Variants in ADAMTS8 observed in about 807,000 individuals in gnomAD.
ADAMTS8 encodes the protein ADAM metallopeptidase with thrombospondin type 1 motif 8.
Under a neutral mutation model 64.4 loss-of-function variants are expected in ADAMTS8, and 50 were observed. That is an observed-to-expected ratio of 0.78 (90% confidence interval 0.62 to 0.98). The LOEUF is 0.98. ADAMTS8 is among the 50% of genes least tolerant of loss of function. The pLI, the probability that ADAMTS8 is intolerant of heterozygous loss-of-function variation, is 0.00. For synonymous variants in ADAMTS8, 556 were observed against 533.6 expected, an observed-to-expected ratio of 1.04 and a Z score of -0.58; for missense variants, 1,192 against 1,208.2, an observed-to-expected ratio of 0.99 and a Z score of 0.20.
chr11:130,405,402 A>G lies in ADAMTS8; in HGVS notation c.*156T>C. The G allele has an allele frequency of 2.1e-6, 3 of 1,442,408 alleles. No individual in the cohort carries two copies. Among genetic ancestry groups the G allele is most frequent in the Non-Finnish European group, 2.7e-6 (3 of 1,104,440 alleles). The allele number at this position is 1,442,408 out of a possible 1,614,324, so 89.4% of individuals were successfully genotyped here. A position where few individuals can be genotyped will look rare whatever the true frequency, so the allele number is the denominator to read the frequency against. On this transcript the variant is annotated 3_prime_UTR_variant, in exon 9 of 9. Transcript: ENST00000257359. ...TACCCTCTCCTCTTCCCCCTTAGGA[A>G]TTTGTGCAGTACTGGAGGGGTTGCG...
rs1351432904 is a variant in ADAMTS8, at chr11:130,427,930, G to A, written c.357C>T (p.Cys119=). The change falls in exon 1 of 9, where the codon TGC becomes TGT. Residue 119 remains cysteine (C), a synonymous_variant. Coordinates refer to ENST00000257359, the MANE Select transcript of ADAMTS8 (RefSeq NM_007037.6). ...EPESLAAVSL[C]RGLSGSFLLD... ...GCAGGAAGGAGCCGCTCAGCCCGCG[G>A]CACAGGCTGACCGCCGCCAGCGACT... 3.9e-6 allele frequency: 6 copies of A among 1,532,684 alleles called. No homozygotes were observed. The highest frequency in any genetic ancestry group is 2.5e-5 in the East Asian group (1 of 40,578). 94.9% of individuals were successfully genotyped at this position (1,532,684 alleles called of 1,614,324 possible). A position where few individuals can be genotyped will look rare whatever the true frequency, so the allele number is the denominator to read the frequency against.
chr11:130,409,605 C>T, intron 6 of ADAMTS8, among the ~76,000 whole-genome samples: 1 of 152,152 alleles, frequency 6.6e-6, no homozygotes, highest in East Asian at 1.9e-4. Flanking sequence ...TCACAAAGAC[C>T]CACACTATAT....
At position 130,407,484 on chromosome 11, in the gene ADAMTS8, G is replaced by GAC. The variant is rs200542106; in HGVS notation, c.2099+978_2099+979dup. Reference sequence around the variant, plus strand: ...GTAGAGACAGACAGACAGACAGACAGACACACACACACACACAGAATGGGG... The same window carrying GAC: ...GTAGAGACAGACAGACAGACAGACAGACACACACACACACACACAGAATGGGG... On this transcript the variant is annotated intron_variant, in intron 8 of 8. Coordinates refer to ENST00000257359, the MANE Select transcript of ADAMTS8 (RefSeq NM_007037.6). 3.7e-3 allele frequency among the ~76,000 whole-genome samples: 552 copies of GAC among 151,130 alleles called. 3 individuals are homozygous for GAC. Among genetic ancestry groups the GAC allele is most frequent in the African/African-American group, 0.012 (510 of 41,228 alleles).
Position 130,427,927 on chromosome 11 carries a change from G to A in ADAMTS8, c.360C>T (p.Arg120=). ...PESLAAVSLC[R]GLSGSFLLDG... is the part of the protein sequence containing the mutation. ...CCAGCAGGAAGGAGCCGCTCAGCCC[G>A]CGGCACAGGCTGACCGCCGCCAGCG... Residue 120 remains arginine, a synonymous_variant, in exon 1 of 9, where the codon CGC becomes CGT. Transcript: ENST00000257359. 6.5e-7 allele frequency: 1 copy of A among 1,532,904 alleles called. No individual in the cohort carries two copies. Among genetic ancestry groups the A allele is most frequent in the East Asian group, 2.5e-5 (1 of 40,578 alleles). 95.0% of individuals were successfully genotyped at this position (1,532,904 alleles called of 1,614,324 possible). A position where few individuals can be genotyped will look rare whatever the true frequency, so the allele number is the denominator to read the frequency against.
At chr11:130,418,007 C>CAAAAAAAAAA (rs5795694) in intron 2 of ADAMTS8, among the ~76,000 whole-genome samples, 18 of 93,898 alleles carry the variant, frequency 1.9e-4, no homozygotes, top group African/African-American at 4.7e-4. Flanking sequence ...CTACAAAAAG[C>CAAAAAAAAAA]AAAAAAAAAA....
chr11:130,422,322 C>T (rs2134689760), intron 1 of ADAMTS8, among the ~76,000 whole-genome samples: 1 of 152,194 alleles, frequency 6.6e-6, no homozygotes, highest in East Asian at 1.9e-4. Flanking sequence ...GGGCCAGAGC[C>T]CCTTTTGGTT....
chr11:130,414,421 G>A (rs920682283), intron 5 of ADAMTS8, 110 bp downstream of exon 5: 11 of 1,337,372 alleles, frequency 8.2e-6, no homozygotes, highest in East Asian at 5.0e-5. Context: ...GCTGTCTCTC[G>A]GTTCATGACT....
rs748267870 is a variant in ADAMTS8 at position 130,408,941 on chromosome 11, C to T, written c.1751-1G>A. The T allele has an allele frequency of 6.6e-7, 1 of 1,526,182 alleles. No individual in the cohort carries two copies. The highest frequency in any genetic ancestry group is 1.3e-5 in the South Asian group (1 of 77,266). The allele number at this position is 1,526,182 out of a possible 1,614,324, so 94.5% of individuals were successfully genotyped here. A position where few individuals can be genotyped will look rare whatever the true frequency, so the allele number is the denominator to read the frequency against. On this transcript the variant is annotated splice_acceptor_variant, in intron 6 of 8. Transcript: ENST00000257359. LOFTEE classifies it high-confidence loss of function. ...CACTGCTGCTCCCTGAAGCTTTTCC[C>T]TAGAAAGAGGAAGAAACGGCATGGA...
intron 6 of ADAMTS8, among the ~76,000 whole-genome samples, chr11:130,410,506 A>G (rs1187686072): frequency 4.6e-5 from 7 of 152,188 alleles, no homozygotes; most frequent in Admixed American, 4.6e-4. Flanking sequence ...ATTCCAGGGC[A>G]AAGTTTCTAG....
At chr11:130,420,084 G>T (rs1862080683) in intron 1 of ADAMTS8, among the ~76,000 whole-genome samples, 1 of 152,194 alleles carries the variant, frequency 6.6e-6, no homozygotes, top group Admixed American at 6.5e-5. Context: ...GCCAGCCCAG[G>T]TGTGCCTGTC....
chr11:130,404,985 C>A lies in ADAMTS8; in HGVS notation c.*573G>T. ...GCATAAATACTTGAAATGGATCCAC[C>A]CCTGCAGGTGGCAGCCTGAGAACAT... is the stretch of plus-strand genomic sequence containing the variant. On this transcript the variant is annotated 3_prime_UTR_variant, in exon 9 of 9. Coordinates refer to ENST00000257359, the MANE Select transcript of ADAMTS8 (RefSeq NM_007037.6). The A allele has an allele frequency of 2.0e-6, 2 of 986,630 alleles. No individual in the cohort carries two copies. The highest frequency in any genetic ancestry group is 2.4e-6 in the Non-Finnish European group (2 of 830,578). The allele number at this position is 986,630 out of a possible 1,614,324, so 61.1% of individuals were successfully genotyped here. A position where few individuals can be genotyped will look rare whatever the true frequency, so the allele number is the denominator to read the frequency against.
Position 130,411,931 on chromosome 11 carries a change from G to A in ADAMTS8, c.1567-331C>T, listed in dbSNP as rs74923121. Reference sequence around the variant, plus strand: ...GTTGCATATAATGCAGTGGTTCTCCGTTGGGGCGAATTCTGCCCTCCAGGG... The same window carrying A: ...GTTGCATATAATGCAGTGGTTCTCCATTGGGGCGAATTCTGCCCTCCAGGG... On this transcript the variant is annotated intron_variant, in intron 5 of 8. Transcript: ENST00000257359. This position sits in a 1 kb window ranked among gnomAD's most constrained non-coding sequence, Gnocchi z 4.2. The A allele has an allele frequency of 3.7e-4, 104 of 282,722 alleles. No individual in the cohort carries two copies. The highest frequency in any genetic ancestry group is 1.9e-3 in the African/African-American group (90 of 46,616). 17.5% of individuals were successfully genotyped at this position (282,722 alleles called of 1,614,324 possible).
chr11:130,417,186 T>A, intron 2 of ADAMTS8, 111 bp from the exon 3 acceptor site: 1 of 1,364,240 alleles, frequency 7.3e-7, no homozygotes, highest in Non-Finnish European at 1.0e-6. Flanking sequence ...CCACTGAGCG[T>A]CCCATAACAT....
At position 130,419,283 on chromosome 11, in the gene ADAMTS8, G is replaced by A. The variant is rs1020650596; in HGVS notation, c.730C>T (p.Leu244=). ...CGGGCTGCCACAGACATTAACGTCA[G>A]GATGTGGTTCTGTCAGGAAGGAGGA... ...FYGADLQNHI[L]TLMSVAARIY... The change falls in exon 2 of 9, where the codon CTG becomes TTG. Residue 244 remains leucine (L), a synonymous_variant. Coordinates refer to ENST00000257359, the MANE Select transcript of ADAMTS8 (RefSeq NM_007037.6). 4 of 1,614,004 alleles carry A rather than the reference G, an allele frequency of 2.5e-6. No individual in the cohort carries two copies. The highest frequency in any genetic ancestry group is 1.7e-5 in the Admixed American group (1 of 60,020).
intron 1 of ADAMTS8, among the ~76,000 whole-genome samples, chr11:130,422,870 G>T (rs1252274604): frequency 1.3e-5 from 2 of 152,140 alleles, no homozygotes; most frequent in Non-Finnish European, 2.9e-5. Context: ...CTAACAAATG[G>T]TTTCCATCAC....
chr11:130,427,767 C>T lies in ADAMTS8; in HGVS notation c.520G>A (p.Gly174Ser), dbSNP rs1862191395. ...GPEWEVETGE[G>S]QRQERGDHQE... ...TGGTCTCCTCTCTCCTGCCTCTGACCCTCTCCCGTCTCCACCTCCCACTCG... is the reference window on the plus strand; with the variant it reads ...TGGTCTCCTCTCTCCTGCCTCTGACTCTCTCCCGTCTCCACCTCCCACTCG... Residue 174 changes from glycine to serine, a missense_variant, in exon 1 of 9, where the codon GGT becomes AGT. This residue lies in a region of ADAMTS8 where 741 missense variants were observed against 710.6 expected (regional missense o/e 1.04). Coordinates refer to ENST00000257359, the MANE Select transcript of ADAMTS8 (RefSeq NM_007037.6). 6.3e-7 allele frequency: 1 copy of T among 1,593,638 alleles called. No homozygotes were observed. Among genetic ancestry groups the T allele is most frequent in the African/African-American group, 1.3e-5 (1 of 74,336 alleles).
Position 130,406,094 on chromosome 11 carries a change from C to T in ADAMTS8, c.2134G>A (p.Gly712Ser), listed in dbSNP as rs1176332626. ...GYNDIVTIPA[G>S]ATNIDVKQRS... is the part of the protein sequence containing the mutation. ...TGCTTCACGTCAATATTAGTGGCACCAGCTGGGATGGTGACAATGTCATTG... is the reference window on the plus strand; with the variant it reads ...TGCTTCACGTCAATATTAGTGGCACTAGCTGGGATGGTGACAATGTCATTG... The change falls in exon 9 of 9, where the codon GGT (glycine) becomes AGT (serine). Residue 712 changes from glycine to serine, a missense_variant. Physicochemically the swap from Gly to Ser is moderately conservative, Grantham distance 56. This residue lies in a region of ADAMTS8 where 290 missense variants were observed against 297.8 expected (regional missense o/e 0.97). Transcript: ENST00000257359. 1 of 1,612,068 alleles carries T rather than the reference C, an allele frequency of 6.2e-7. No homozygotes were observed. Among genetic ancestry groups the T allele is most frequent in the Non-Finnish European group, 8.5e-7 (1 of 1,179,864 alleles).
chr11:130,405,189 T>C lies in ADAMTS8; in HGVS notation c.*369A>G. ...CTAATTTTTTCCCCTGTGAGGTAGA[T>C]TATTTATCGGGGAAACCAGATAGAA... On this transcript the variant is annotated 3_prime_UTR_variant, in exon 9 of 9. Coordinates refer to ENST00000257359, the MANE Select transcript of ADAMTS8 (RefSeq NM_007037.6). 6 of 1,026,610 alleles carry C rather than the reference T, an allele frequency of 5.8e-6. No individual in the cohort carries two copies. Among genetic ancestry groups the C allele is most frequent in the Non-Finnish European group, 7.0e-6 (6 of 856,832 alleles). 63.6% of individuals were successfully genotyped at this position (1,026,610 alleles called of 1,614,324 possible).
rs184134198 is a variant in ADAMTS8 at position 130,428,307 on chromosome 11, C to A, written c.-21G>T. 0.01 allele frequency: 12,688 copies of A among 1,242,118 alleles called. 1,012 individuals are homozygous for A. In the African/African-American group the frequency reaches 0.18, roughly 17 times the overall value. 76.9% of individuals were successfully genotyped at this position (1,242,118 alleles called of 1,614,324 possible). On this transcript the variant is annotated 5_prime_UTR_variant, in exon 1 of 9. Transcript: ENST00000257359. ...AGCATGGGGGCTGCGGCGGTGGCTG[C>A]GCGCAGGAGAGGGAAGAAGCCCGCC...
Sources: allele counts gnomAD v4.1 joint callset (sites outside exome capture counted in the v4.1 genomes callset), GRCh38; gene constraint gnomAD v4.1.1; regional missense constraint gnomAD v4.1.1; non-coding constraint Gnocchi (gnomAD v3.1); transcripts MANE v1.5; gene names NCBI Gene and HGNC (gene_info 2026-07-23, HGNC 2026-07-21).